Variants in PRKCA observed in about 807,000 individuals in gnomAD.
The protein encoded by PRKCA is protein kinase C alpha type.
A neutral mutation model predicts 87.0 loss-of-function variants in PRKCA; 27 were observed. That is an observed-to-expected ratio of 0.31 (90% CI 0.23 to 0.43). The LOEUF is 0.43. Among genes scored for constraint, PRKCA ranks in the 20% least tolerant of loss-of-function variants. The pLI, the probability that PRKCA is intolerant of heterozygous loss-of-function variation, is 1.00. For synonymous variants in PRKCA, 329 were observed against 311.1 expected (o/e 1.06, Z -0.61); for missense variants, 518 against 852.3 (o/e 0.61, Z 4.88).
intron 3 of PRKCA, among the ~76,000 whole-genome samples, chr17:66,551,305 G>C (rs60287363): frequency 0.045 from 6,783 of 152,272 alleles, 419 homozygotes; most frequent in African/African-American, 0.13. Context: ...TCAGAAATTG[G>C]TACCCAGCTG....
chr17:66,657,026 A>G (rs1971752788), intron 5 of PRKCA, among the ~76,000 whole-genome samples: 1 of 152,242 alleles, frequency 6.6e-6, no homozygotes, highest in African/African-American at 2.4e-5. Flanking sequence ...ACAGAGAAAC[A>G]TCAGACTATG....
chr17:66,424,092 A>G (rs1358013396), intron 2 of PRKCA, among the ~76,000 whole-genome samples: 4 of 152,000 alleles, frequency 2.6e-5, no homozygotes, highest in African/African-American at 9.7e-5. Context: ...TTCCCATTGT[A>G]TTTCTTCGGG....
intron 3 of PRKCA, among the ~76,000 whole-genome samples, chr17:66,510,865 G>A (rs1917195363): frequency 6.6e-6 from 1 of 152,032 alleles, no homozygotes; most frequent in Non-Finnish European, 1.5e-5. Flanking sequence ...TCCTACCTCA[G>A]CTTCCCTAGT....
At chr17:66,789,464 C>G (rs1021117640) in intron 16 of PRKCA, among the ~76,000 whole-genome samples, 1 of 152,272 alleles carries the variant, frequency 6.6e-6, no homozygotes, top group Non-Finnish European at 1.5e-5. Context: ...TCTTCCACCA[C>G]TGCCTCCACT....
At chr17:66,796,597 C>T (rs1293384053) in intron 16 of PRKCA, 19 of 985,144 alleles carry the variant, frequency 1.9e-5, no homozygotes, top group Non-Finnish European at 2.2e-5. Context: ...TGCACGTAGC[C>T]CGTTCCCTGA....
chr17:66,794,616 GGT>G (rs1568038506), intron 16 of PRKCA, among the ~76,000 whole-genome samples: 1 of 139,898 alleles, frequency 7.1e-6, no homozygotes, highest in African/African-American at 2.7e-5. Context: ...TTTTGGGGGG[GGT>G]TTTTTGTTTT....
intron 2 of PRKCA, among the ~76,000 whole-genome samples, chr17:66,315,421 C>A (rs760644963): frequency 6.6e-6 from 1 of 152,036 alleles, no homozygotes; most frequent in Non-Finnish European, 1.5e-5. Flanking sequence ...GAAGTTTTGT[C>A]ACACTTAAAT....
intron 2 of PRKCA, among the ~76,000 whole-genome samples, chr17:66,336,917 T>C (rs1298382498): frequency 6.6e-6 from 1 of 151,932 alleles, no homozygotes; most frequent in African/African-American, 2.4e-5. Context: ...GCCTCCCAAG[T>C]AGCTGGGGTT....
chr17:66,356,384 C>T lies in PRKCA; in HGVS notation c.205+50257C>T, dbSNP rs942154507. On this transcript the variant is annotated intron_variant, in intron 2 of 16. Transcript: ENST00000413366. ...GGCACGGTGGCTCACGCCTGTAATCCCAGCACTTTGGGAGGCCAAGGCAGG... is the reference window on the plus strand; with the variant it reads ...GGCACGGTGGCTCACGCCTGTAATCTCAGCACTTTGGGAGGCCAAGGCAGG... Among the ~76,000 whole-genome samples the T allele has an allele frequency of 4.1e-4, 62 of 152,010 alleles. 2 individuals carry two copies. Among genetic ancestry groups the T allele is most frequent in the Non-Finnish European group, 1.5e-4 (10 of 67,990 alleles).
chr17:66,462,359 G>C (rs1238999973), intron 2 of PRKCA, among the ~76,000 whole-genome samples: 1 of 152,200 alleles, frequency 6.6e-6, no homozygotes, highest in African/African-American at 2.4e-5. Flanking sequence ...CTCATGAAAA[G>C]TTGATGGTTG....
intron 5 of PRKCA, among the ~76,000 whole-genome samples, chr17:66,648,912 G>A (rs1971518261): frequency 6.6e-6 from 1 of 151,932 alleles, no homozygotes; most frequent in African/African-American, 2.4e-5. Context: ...GGCCAACATG[G>A]TAAAACCCCA....
intron 2 of PRKCA, among the ~76,000 whole-genome samples, chr17:66,365,219 C>G (rs80131023): frequency 6.6e-6 from 1 of 152,066 alleles, no homozygotes; most frequent in Middle Eastern, 3.2e-3. Flanking sequence ...TGGAAAGTCC[C>G]GAAATTCAGT....
chr17:66,729,433 A>C (rs1973831143), intron 8 of PRKCA, among the ~76,000 whole-genome samples: 1 of 152,164 alleles, frequency 6.6e-6, no homozygotes. Context: ...AATTAAATGT[A>C]GACACAGCCT....
chr17:66,584,416 G>C (rs967779485), intron 3 of PRKCA, among the ~76,000 whole-genome samples: 6 of 152,048 alleles, frequency 3.9e-5, no homozygotes, highest in Non-Finnish European at 8.8e-5. Flanking sequence ...AGTAGAGACA[G>C]GGTTTCACCG....
intron 6 of PRKCA, 107 bp from the exon 7 acceptor site, chr17:66,688,195 A>G: frequency 5.0e-6 from 7 of 1,404,282 alleles, no homozygotes; most frequent in Non-Finnish European, 6.7e-6. Context: ...GACCAGGAAG[A>G]CAAATATACT....
At chr17:66,417,699 C>T (rs1042018159) in intron 2 of PRKCA, among the ~76,000 whole-genome samples, 3 of 152,072 alleles carry the variant, frequency 2.0e-5, no homozygotes, top group Non-Finnish European at 4.4e-5. Flanking sequence ...CCCAGGCTCA[C>T]GTTTGGTCTT....
At chr17:66,352,947 A>G (rs989551270) in intron 2 of PRKCA, among the ~76,000 whole-genome samples, 8 of 152,176 alleles carry the variant, frequency 5.3e-5, no homozygotes, top group Non-Finnish European at 7.3e-5. Context: ...CAGAGATGAA[A>G]TAATTTTATC....
chr17:66,384,123 C>G (rs1036529591), intron 2 of PRKCA, among the ~76,000 whole-genome samples: 1 of 152,180 alleles, frequency 6.6e-6, no homozygotes, highest in Middle Eastern at 3.4e-3. Flanking sequence ...GCTTGACACA[C>G]GGAATGCTCA....
intron 2 of PRKCA, among the ~76,000 whole-genome samples, chr17:66,368,458 T>G (rs1282647870): frequency 7.3e-6 from 1 of 137,584 alleles, no homozygotes; most frequent in East Asian, 2.4e-4. Context: ...TGGTGCGATC[T>G]CGACTCAAGG....
Sources: allele counts gnomAD v4.1 joint callset (sites outside exome capture counted in the v4.1 genomes callset), GRCh38; gene constraint gnomAD v4.1.1; transcripts MANE v1.5; gene names NCBI Gene and HGNC (gene_info 2026-07-23, HGNC 2026-07-21).